The following PNKD variants were observed in gnomAD, a reference collection of about 807,000 sequenced individuals.
PNKD encodes PNKD metallo-beta-lactamase domain containing.
PNKD carries 36 observed loss-of-function variants against 45.3 expected under a neutral mutation model. The ratio of observed to expected loss-of-function variants is 0.80; its 90% CI spans 0.61 to 1.05. PNKD has a LOEUF of 1.05. PNKD is among the 50% of genes least tolerant of loss of function. The pLI, the probability that PNKD is intolerant of heterozygous loss-of-function variation, is 0.00. For missense variants in PNKD, 511 were observed against 506.6 expected, an observed-to-expected ratio of 1.01 and a Z score of -0.08; for synonymous variants, 197 against 210.1, an observed-to-expected ratio of 0.94 and a Z score of 0.54.
Position 218,345,022 on chromosome 2 carries a change from G to T in PNKD, c.*41G>T. The T allele has an allele frequency of 1.3e-6, 2 of 1,522,518 alleles. No individual in the cohort carries two copies. The highest frequency in any genetic ancestry group is 9.0e-7 in the Non-Finnish European group (1 of 1,113,640). The allele number at this position is 1,522,518 out of a possible 1,614,324, so 94.3% of individuals were successfully genotyped here. A position where few individuals can be genotyped will look rare whatever the true frequency, so the allele number is the denominator to read the frequency against. ...CAGCCCAGCCCACTCCCCGCATGGGGAGGCCGCCACCACCAACACCTCATC... is the reference window on the plus strand; with the variant it reads ...CAGCCCAGCCCACTCCCCGCATGGGTAGGCCGCCACCACCAACACCTCATC... On this transcript the variant is annotated 3_prime_UTR_variant, in exon 10 of 10. Transcript: ENST00000273077.
chr2:218,305,511 CTA>C (rs1693381988), intron 2 of PNKD, among the ~76,000 whole-genome samples: 1 of 150,496 alleles, frequency 6.6e-6, no homozygotes. Context: ...CCATGTCTGG[CTA>C]TTTTTTTTTT....
chr2:218,278,886 G>T, intron 2 of PNKD: 1 of 854,856 alleles, frequency 1.2e-6, no homozygotes, highest in Non-Finnish European at 1.8e-6. Flanking sequence ...ATCTGGGCAC[G>T]CACACCCACA....
chr2:218,282,143 G>C lies in PNKD; in HGVS notation c.236+10594G>C, dbSNP rs141925429. 3.3e-6 allele frequency: 5 copies of C among 1,496,454 alleles called. No homozygotes were observed. The Admixed American group carries it at 1.2e-4, about 36-fold the overall frequency. 92.7% of individuals were successfully genotyped at this position (1,496,454 alleles called of 1,614,324 possible). On this transcript the variant is annotated intron_variant, in intron 2 of 9. Transcript: ENST00000273077. ...TGGTGGGGCGCTGGGGTTGGACATGGCTGCTCACGGGCTGAGGGGGAACCC... is the reference window on the plus strand; with the variant it reads ...TGGTGGGGCGCTGGGGTTGGACATGCCTGCTCACGGGCTGAGGGGGAACCC...
chr2:218,279,128 G>A (rs896368206), intron 2 of PNKD: 11 of 1,613,310 alleles, frequency 6.8e-6, no homozygotes, highest in African/African-American at 1.3e-5. Context: ...GTCACCCTGA[G>A]GCTTGTCTGC....
intron 2 of PNKD, chr2:218,279,462 A>T (rs1020705257): frequency 2.0e-6 from 2 of 1,023,506 alleles, no homozygotes; most frequent in Admixed American, 6.2e-5. Context: ...CCCTAGCTGC[A>T]GCCTGGCCCA....
intron 2 of PNKD, among the ~76,000 whole-genome samples, chr2:218,273,645 T>TA (rs1690952948): frequency 7.7e-6 from 1 of 130,018 alleles, no homozygotes; most frequent in Admixed American, 8.4e-5. Context: ...CACTCCCAGT[T>TA]AATTTTTTTT....
chr2:218,270,758 C>A, intron 1 of PNKD, 156 bp downstream of exon 1: 1 of 418,060 alleles, frequency 2.4e-6, no homozygotes, highest in Non-Finnish European at 4.4e-6. Flanking sequence ...CTTTAGAGGT[C>A]ACCCAGTGCA....
intron 2 of PNKD, among the ~76,000 whole-genome samples, chr2:218,331,771 C>T (rs1275760882): frequency 6.6e-6 from 1 of 152,046 alleles, no homozygotes; most frequent in Non-Finnish European, 1.5e-5. Flanking sequence ...CCCAGCCATG[C>T]TTTTGTATTT....
Position 218,277,423 on chromosome 2 carries a change from T to C in PNKD, c.236+5874T>C, listed in dbSNP as rs984137348. On this transcript the variant is annotated intron_variant, in intron 2 of 9. Transcript: ENST00000273077. ...TGGATACCACCGCAGTGATGATCAT[T>C]GCAATGATGACGGCTTTGGTTTGGT... The C allele has an allele frequency of 3.7e-6, 6 of 1,614,040 alleles. No homozygotes were observed. The Admixed American group carries it at 5.0e-5, about 13-fold the overall frequency.
At chr2:218,322,202 G>A (rs1330132716) in intron 2 of PNKD, among the ~76,000 whole-genome samples, 3 of 152,266 alleles carry the variant, frequency 2.0e-5, no homozygotes, top group East Asian at 3.9e-4. Context: ...GATTACAGGC[G>A]TGAGCCACCG....
At chr2:218,333,237 A>T (rs1694382456) in intron 2 of PNKD, among the ~76,000 whole-genome samples, 1 of 152,038 alleles carries the variant, frequency 6.6e-6, no homozygotes, top group African/African-American at 2.4e-5. Flanking sequence ...TGCTGTCTCC[A>T]CTGTGTCCAT....
intron 2 of PNKD, among the ~76,000 whole-genome samples, chr2:218,291,446 A>G (rs990823126): frequency 3.3e-5 from 5 of 152,162 alleles, no homozygotes; most frequent in Non-Finnish European, 4.4e-5. Context: ...CACTAATGAG[A>G]TGAATATTTC....
chr2:218,342,652 A>G (rs1402681447), intron 7 of PNKD, among the ~76,000 whole-genome samples: 2 of 152,126 alleles, frequency 1.3e-5, no homozygotes, highest in Non-Finnish European at 2.9e-5. Flanking sequence ...GCGAGCTGAG[A>G]TCGCGCCACT....
At chr2:218,341,366 G>A (rs1694668440) in intron 5 of PNKD, among the ~76,000 whole-genome samples, 168 bp from the exon 6 acceptor site, 1 of 152,212 alleles carries the variant, frequency 6.6e-6, no homozygotes, top group Non-Finnish European at 1.5e-5. Flanking sequence ...TGGGGGCGAT[G>A]TTCTGGGCAA....
chr2:218,315,698 T>G (rs1370332623), intron 2 of PNKD, among the ~76,000 whole-genome samples: 1 of 152,266 alleles, frequency 6.6e-6, no homozygotes, highest in African/African-American at 2.4e-5. Flanking sequence ...TGGTTTAATT[T>G]TATATCCTTA....
chr2:218,344,891 G>T lies in PNKD; in HGVS notation c.1068G>T (p.Pro356=). Residue 356 remains proline (P), a synonymous_variant, in exon 10 of 10, where the codon CCG becomes CCT. Coordinates refer to ENST00000273077, the MANE Select transcript of PNKD (RefSeq NM_015488.5). ...HCLALQEALG[P]GPGPTGDDDY... is the part of the protein sequence containing the mutation. ...TGGCGCTACAGGAGGCTCTGGGGCC[G>T]GGGCCGGGCCCCACTGGGGATGATG... 1 of 1,613,334 alleles carries T rather than the reference G, an allele frequency of 6.2e-7. No homozygotes were observed. Among genetic ancestry groups the T allele is most frequent in the Non-Finnish European group, 8.5e-7 (1 of 1,179,324 alleles).
intron 2 of PNKD, among the ~76,000 whole-genome samples, chr2:218,293,580 CTTTTT>C (rs34887009): frequency 1.0e-5 from 1 of 98,678 alleles, no homozygotes. Flanking sequence ...ACTGAATGTC[CTTTTT>C]TTTTTTTTTT....
intron 2 of PNKD, among the ~76,000 whole-genome samples, chr2:218,288,297 C>T (rs1004094054): frequency 3.9e-5 from 6 of 152,148 alleles, no homozygotes; most frequent in African/African-American, 7.2e-5. Flanking sequence ...GATGTGGTGG[C>T]GGACGCCTGT....
chr2:218,333,440 C>A (rs892802097), intron 2 of PNKD, among the ~76,000 whole-genome samples: 1 of 152,212 alleles, frequency 6.6e-6, no homozygotes, highest in Non-Finnish European at 1.5e-5. Context: ...CCTGCTCTAG[C>A]AGCTGGGAGG....
Sources: gnomAD v4.1 joint callset for allele counts (sites outside exome capture counted in the v4.1 genomes callset) on GRCh38, gnomAD v4.1.1 for gene constraint, MANE v1.5 for transcripts, NCBI Gene and HGNC (gene_info 2026-07-23, HGNC 2026-07-21) for gene names.